The following ITGA11 variants were observed in gnomAD, a reference collection of about 807,000 sequenced individuals.
ITGA11 encodes the protein integrin subunit alpha 11.
ITGA11 carries 97 observed loss-of-function variants against 141.9 expected under a neutral mutation model. That is an observed-to-expected ratio of 0.68 (90% CI 0.58 to 0.81). ITGA11 has a LOEUF of 0.81. Ranked by LOEUF, ITGA11 falls within the 30% of genes least tolerant of loss-of-function variation. The probability of loss-of-function intolerance (pLI) is 0.00; values close to 1 mark genes in which losing one functional copy is unlikely to be tolerated. For synonymous variants in ITGA11, 658 were observed against 624.6 expected, an observed-to-expected ratio of 1.05 and a Z score of -0.80; for missense variants, 1,387 against 1,559.2, an observed-to-expected ratio of 0.89 and a Z score of 1.86.
Position 68,307,235 on chromosome 15 carries a change from C to G in ITGA11, c.3381+113G>C. 1 of 740,664 alleles carries G rather than the reference C, an allele frequency of 1.4e-6. No homozygotes were observed. Among genetic ancestry groups the G allele is most frequent in the Non-Finnish European group, 2.2e-6 (1 of 448,346 alleles). The allele number at this position is 740,664 out of a possible 1,614,324, so 45.9% of individuals were successfully genotyped here. ...AGCCCACAGGTCTGCCTGATTCTCTCCTGCTGGGACATGCAGCCAGGGGTT... is the reference window on the plus strand; with the variant it reads ...AGCCCACAGGTCTGCCTGATTCTCTGCTGCTGGGACATGCAGCCAGGGGTT... On this transcript the variant is annotated intron_variant, in intron 28 of 29. Transcript: ENST00000315757. The surrounding 1 kb of genome is among the most constrained non-coding windows in gnomAD (Gnocchi z 6.1).
intron 1 of ITGA11, among the ~76,000 whole-genome samples, chr15:68,404,000 C>A (rs1055029107): frequency 2.6e-5 from 4 of 152,160 alleles, no homozygotes; most frequent in African/African-American, 9.7e-5. Flanking sequence ...GTCCTTCCCC[C>A]AGGGAACTCC....
chr15:68,383,945 C>A (rs1334790136), intron 2 of ITGA11, among the ~76,000 whole-genome samples: 1 of 152,030 alleles, frequency 6.6e-6, no homozygotes, highest in Non-Finnish European at 1.5e-5. Flanking sequence ...GTTGGCAAAC[C>A]CCTCTGGCTT....
At chr15:68,412,697 A>G (rs1439145582) in intron 1 of ITGA11, among the ~76,000 whole-genome samples, 18 of 111,880 alleles carry the variant, frequency 1.6e-4, no homozygotes, top group Admixed American at 1.2e-3. Context: ...TTTTTTTGAG[A>G]CAGAGTCTCG....
intron 8 of ITGA11, 133 bp downstream of exon 8, chr15:68,351,125 A>T: frequency 1.1e-6 from 1 of 931,856 alleles, no homozygotes; most frequent in Non-Finnish European, 1.6e-6. Context: ...TGTTCAGAAG[A>T]TGAAATGGGA....
At position 68,300,198 on chromosome 15, in the gene ITGA11, G is replaced by C. The variant is rs992638790; in HGVS notation, c.*2861C>G. On this transcript the variant is annotated 3_prime_UTR_variant, in exon 30 of 30. Coordinates refer to ENST00000315757, the MANE Select transcript of ITGA11 (RefSeq NM_001004439.2). ...TCCATGAAGTCTGAGGAGGAACTTA[G>C]GAGTCTGTGGTCTGACTGAGGCAGT... The C allele has an allele frequency of 6.6e-6, 1 of 152,256 alleles. No homozygotes were observed. Among genetic ancestry groups the C allele is most frequent in the Non-Finnish European group, 1.5e-5 (1 of 68,038 alleles). 9.4% of individuals were successfully genotyped at this position (152,256 alleles called of 1,614,324 possible). A position where few individuals can be genotyped will look rare whatever the true frequency, so the allele number is the denominator to read the frequency against.
chr15:68,431,680 G>A (rs1196626540), intron 1 of ITGA11, among the ~76,000 whole-genome samples: 3 of 152,258 alleles, frequency 2.0e-5, no homozygotes, highest in African/African-American at 4.8e-5. Flanking sequence ...GAGTGCCCCT[G>A]GCAGCCGTGC....
chr15:68,402,812 T>C (rs1372781082), intron 2 of ITGA11, 106 bp downstream of exon 2: 4 of 708,772 alleles, frequency 5.6e-6, no homozygotes, highest in Non-Finnish European at 9.9e-6. Context: ...GAAACGTCAG[T>C]CTCCATGTGA....
intron 2 of ITGA11, among the ~76,000 whole-genome samples, chr15:68,383,980 ATTTTCT>A (rs1025090588): frequency 2.6e-5 from 4 of 151,874 alleles, no homozygotes; most frequent in Non-Finnish European, 5.9e-5. Context: ...CGTTAAATTT[ATTTTCT>A]TTCTTGGAAG....
At chr15:68,412,663 A>G (rs1277280425) in intron 1 of ITGA11, among the ~76,000 whole-genome samples, 1 of 95,664 alleles carries the variant, frequency 1.0e-5, no homozygotes, top group East Asian at 3.2e-4. Flanking sequence ...GGGGGAACTT[A>G]TTCGCTTTTT....
At chr15:68,386,537 C>T (rs1328633624) in intron 2 of ITGA11, among the ~76,000 whole-genome samples, 2 of 152,136 alleles carry the variant, frequency 1.3e-5, no homozygotes, top group African/African-American at 4.8e-5. Flanking sequence ...TGGCTGAGGG[C>T]GATGAGAGTG....
Position 68,320,356 on chromosome 15 carries a change from C to T in ITGA11, c.2445G>A (p.Gln815=), listed in dbSNP as rs1893760257. The change falls in exon 20 of 30, where the codon CAG becomes CAA. Residue 815 remains glutamine, a synonymous_variant. Coordinates refer to ENST00000315757, the MANE Select transcript of ITGA11 (RefSeq NM_001004439.2). ...YCQRVLRKPA[Q]DCSAYTLSFD... ...AGGACAGCGTGTATGCGGAGCAGTC[C>T]TGCGCAGGCTTCCTCAGCACCCTCT... is the stretch of plus-strand genomic sequence containing the variant. 1 of 1,607,404 alleles carries T rather than the reference C, an allele frequency of 6.2e-7. No individual in the cohort carries two copies. Among genetic ancestry groups the T allele is most frequent in the African/African-American group, 1.3e-5 (1 of 74,936 alleles).
chr15:68,395,414 G>T (rs980473025), intron 2 of ITGA11, among the ~76,000 whole-genome samples: 2 of 151,726 alleles, frequency 1.3e-5, no homozygotes, highest in Admixed American at 6.6e-5. Flanking sequence ...CCATCATAAG[G>T]AAGCTAAAAG....
At chr15:68,329,899 C>G (rs924742859) in intron 15 of ITGA11, among the ~76,000 whole-genome samples, 5 of 152,216 alleles carry the variant, frequency 3.3e-5, no homozygotes, top group Non-Finnish European at 5.9e-5. Flanking sequence ...GGGGCACCAC[C>G]GGGACTGTTG....
At position 68,326,735 on chromosome 15, in the gene ITGA11, C is replaced by G. The variant is rs1294013093; in HGVS notation, c.2130G>C (p.Glu710Asp). Residue 710 changes from glutamate to aspartate, a missense_variant, in exon 17 of 30, where the codon GAG (glutamate) becomes GAC (aspartate). Coordinates refer to ENST00000315757, the MANE Select transcript of ITGA11 (RefSeq NM_001004439.2). This position sits in a 1 kb window ranked among gnomAD's most constrained non-coding sequence, Gnocchi z 6.8. ...RRYTPRAHLD[E>D]GGDRFTNRAV... is the part of the protein sequence containing the mutation. ...CTCTGTTGGTGAATCGGTCCCCGCCCTCGTCCAGGTGGGCCCTCGGTGTAT... is the reference window on the plus strand; with the variant it reads ...CTCTGTTGGTGAATCGGTCCCCGCCGTCGTCCAGGTGGGCCCTCGGTGTAT... 2 of 1,582,692 alleles carry G rather than the reference C, an allele frequency of 1.3e-6. No homozygotes were observed. Among genetic ancestry groups the G allele is most frequent in the African/African-American group, 2.7e-5 (2 of 74,122 alleles).
intron 2 of ITGA11, among the ~76,000 whole-genome samples, chr15:68,371,906 A>G (rs1043357211): frequency 1.3e-5 from 2 of 152,124 alleles, no homozygotes; most frequent in South Asian, 2.1e-4. Context: ...TGTCCTTTTC[A>G]AAGAACAAGG....
chr15:68,413,572 C>T (rs889408002), intron 1 of ITGA11, among the ~76,000 whole-genome samples: 3 of 152,222 alleles, frequency 2.0e-5, no homozygotes, highest in Non-Finnish European at 4.4e-5. Context: ...GTTCTAATCT[C>T]AGCTTTGTCA....
chr15:68,316,341 T>C (rs1286796743), intron 21 of ITGA11, among the ~76,000 whole-genome samples: 1 of 152,230 alleles, frequency 6.6e-6, no homozygotes, highest in Non-Finnish European at 1.5e-5. Context: ...GCGACCCTCC[T>C]CGCCTCCTCC....
rs1463414584 is a variant in ITGA11, at chr15:68,336,331, T to A, written c.1277-486A>T. Among the ~76,000 whole-genome samples, 3 of 152,314 alleles carry A rather than the reference T, an allele frequency of 2.0e-5. No individual in the cohort carries two copies. The East Asian group carries it at 5.8e-4, about 29-fold the overall frequency. ...AAGTGGCTCACTGAGGACTAGAGTG[T>A]GAGCCGTAAATGTGGAAGGAGTTGG... On this transcript the variant is annotated intron_variant, in intron 11 of 29. Transcript: ENST00000315757.
intron 2 of ITGA11, among the ~76,000 whole-genome samples, chr15:68,376,228 C>T (rs1182078068): frequency 6.8e-6 from 1 of 147,898 alleles, no homozygotes; most frequent in Non-Finnish European, 1.5e-5. Context: ...GTTCTCCTCT[C>T]TTTTTTTTTT....
Sources: allele counts gnomAD v4.1 joint callset (sites outside exome capture counted in the v4.1 genomes callset), GRCh38; gene constraint gnomAD v4.1.1; non-coding constraint Gnocchi (gnomAD v3.1); transcripts MANE v1.5; gene names NCBI Gene and HGNC (gene_info 2026-07-23, HGNC 2026-07-21).